The following SGCE variants were observed in gnomAD, a reference collection of about 807,000 sequenced individuals.
SGCE encodes epsilon-sarcoglycan.
Under a neutral mutation model 57.8 loss-of-function variants are expected in SGCE, and 26 were observed. That is an observed-to-expected ratio of 0.45 (90% confidence interval 0.33 to 0.62). The LOEUF (loss-of-function observed/expected upper bound fraction) is 0.62. SGCE is among the 20% of genes least tolerant of loss of function. The pLI is 0.02. For missense variants in SGCE, 468 were observed against 548.6 expected (o/e 0.85, Z 1.47); for synonymous variants, 183 against 189.5 (o/e 0.97, Z 0.28).
chr7:94,639,250 G>A, intron 1 of SGCE: 1 of 795,016 alleles, frequency 1.3e-6, no homozygotes, highest in Non-Finnish European at 2.0e-6. Context: ...ACAACAAAAA[G>A]CCACACATGA....
intron 6 of SGCE, among the ~76,000 whole-genome samples, chr7:94,601,800 A>C (rs1584538819): frequency 6.6e-6 from 1 of 152,080 alleles, no homozygotes; most frequent in Admixed American, 6.6e-5. Flanking sequence ...TGTCCTGCAC[A>C]TTGGCGGCTT....
intron 3 of SGCE, 30 bp from the exon 4 acceptor site, chr7:94,623,427 A>ACATTTCACTTCTTTAATAT: frequency 7.3e-7 from 1 of 1,367,764 alleles, no homozygotes; most frequent in Non-Finnish European, 1.0e-6. Flanking sequence ...ATATTAAAGA[A>ACATTTCACTTCTTTAATAT]GTGAAATGTT....
At chr7:94,600,534 A>G (rs1799041019) in intron 7 of SGCE, 112 bp downstream of exon 7, 2 of 758,058 alleles carry the variant, frequency 2.6e-6, no homozygotes, top group South Asian at 3.2e-5. Context: ...CACAATTTCA[A>G]TTCATTTACA....
chr7:94,612,690 A>G (rs899760547), intron 5 of SGCE, among the ~76,000 whole-genome samples: 3 of 152,214 alleles, frequency 2.0e-5, no homozygotes, highest in African/African-American at 7.2e-5. Flanking sequence ...GTTGACACAT[A>G]CTGCCAAACT....
At position 94,585,008 on chromosome 7, in the gene SGCE, G is replaced by T. The variant is rs1164796904; in HGVS notation, c.*491C>A. The T allele has an allele frequency of 1.3e-5, 2 of 154,592 alleles. No individual in the cohort carries two copies. The highest frequency in any genetic ancestry group is 1.3e-4 in the Admixed American group (2 of 15,546). 9.6% of individuals were successfully genotyped at this position (154,592 alleles called of 1,614,324 possible). A position where few individuals can be genotyped will look rare whatever the true frequency, so the allele number is the denominator to read the frequency against. On this transcript the variant is annotated 3_prime_UTR_variant, in exon 11 of 11. Coordinates refer to ENST00000648936, the MANE Select transcript of SGCE (RefSeq NM_003919.3). ...GGTTTATTCGAAAACACTCCCAAGT[G>T]GTATATAAAACAACAGGATTTACAG...
chr7:94,607,606 G>GA lies in SGCE; in HGVS notation c.663-4155dup, dbSNP rs200762145. Among the ~76,000 whole-genome samples the GA allele has an allele frequency of 1.2e-3, 186 of 149,428 alleles. 2 individuals carry two copies. Among genetic ancestry groups the GA allele is most frequent in the African/African-American group, 3.2e-3 (130 of 40,814 alleles). ...TTGACAAAATCCAATGGCAATTTGT[G>GA]AAAAAAAAAATTCTTAGTAAACTAG... On this transcript the variant is annotated intron_variant, in intron 5 of 10. Transcript: ENST00000648936.
At chr7:94,599,089 C>A in intron 8 of SGCE, 126 bp from the exon 9 acceptor site, 1 of 673,080 alleles carries the variant, frequency 1.5e-6, no homozygotes, top group Non-Finnish European at 2.5e-6. Context: ...GCACTTTGGG[C>A]ATTCAATAAA....
chr7:94,634,568 C>CAATTAA (rs1805281899), intron 1 of SGCE, among the ~76,000 whole-genome samples: 1 of 152,132 alleles, frequency 6.6e-6, no homozygotes, highest in African/African-American at 2.4e-5. Context: ...TATTAATCGG[C>CAATTAA]TGCAGGTTTA....
At chr7:94,597,744 C>A (rs964152810) in intron 9 of SGCE, 1 of 152,234 alleles carries the variant, frequency 6.6e-6, no homozygotes, top group African/African-American at 2.4e-5. Flanking sequence ...CATGGTGGCT[C>A]ACACCTGTAA....
At position 94,656,037 on chromosome 7, in the gene SGCE, C is replaced by T; in HGVS notation, c.62G>A (p.Gly21Glu). The T allele has an allele frequency of 6.2e-7, 1 of 1,613,442 alleles. No homozygotes were observed. The change falls in exon 1 of 11, where the codon GGG becomes GAG. Residue 21 changes from glycine (G) to glutamate (E), a missense_variant. Coordinates refer to ENST00000648936, the MANE Select transcript of SGCE (RefSeq NM_003919.3). ...DPCAWTGQGR[G>E]TRRMSPATTG... is the part of the protein sequence containing the mutation. ...GGTCGCGGGGCTCATCCTGCGTGTC[C>T]CCCGACCCTGTCCCGTCCAAGCACA...
chr7:94,651,258 C>T (rs558472257), intron 1 of SGCE, among the ~76,000 whole-genome samples: 236 of 152,290 alleles, frequency 1.5e-3, no homozygotes, highest in Non-Finnish European at 2.4e-3. Flanking sequence ...ACTTAAAAAC[C>T]ATGTTAACTC....
chr7:94,628,271 T>C lies in SGCE; in HGVS notation c.321A>G (p.Thr107=). 6.2e-7 allele frequency: 1 copy of C among 1,608,462 alleles called. No individual in the cohort carries two copies. The highest frequency in any genetic ancestry group is 1.3e-5 in the African/African-American group (1 of 74,904). Residue 107 remains threonine, a synonymous_variant, in exon 3 of 11, where the codon ACA becomes ACG. Coordinates refer to ENST00000648936, the MANE Select transcript of SGCE (RefSeq NM_003919.3). The part of the protein sequence containing the change: ...RPGWLRYIQR[T]PYSDGVLYGS... ...CATATAGGACTCCATCACTATATGG[T>C]GTCCTTTGGATATATCGAAGCCATC...
intron 9 of SGCE, among the ~76,000 whole-genome samples, chr7:94,593,980 T>C (rs1037476900): frequency 6.6e-6 from 1 of 152,070 alleles, no homozygotes; most frequent in Non-Finnish European, 1.5e-5. Flanking sequence ...CAAATTCCCA[T>C]ACTCAGAGCC....
At chr7:94,655,741 C>T (rs944995131) in intron 1 of SGCE, among the ~76,000 whole-genome samples, 2 of 148,602 alleles carry the variant, frequency 1.3e-5, no homozygotes, top group South Asian at 4.3e-4. Context: ...TTTCTGCGCC[C>T]GCAGAGCAGG....
intron 1 of SGCE, among the ~76,000 whole-genome samples, chr7:94,653,280 T>C (rs1195479487): frequency 6.6e-6 from 1 of 152,162 alleles, no homozygotes; most frequent in Non-Finnish European, 1.5e-5. Context: ...TTTCTTAACA[T>C]ACTAGAAGTT....
intron 1 of SGCE, among the ~76,000 whole-genome samples, chr7:94,651,918 T>C (rs1373648991): frequency 2.7e-5 from 4 of 150,710 alleles, no homozygotes; most frequent in Non-Finnish European, 5.9e-5. Flanking sequence ...CTAGAAACAT[T>C]GGCTTTTTCT....
chr7:94,613,013 A>G (rs1260164838), intron 5 of SGCE, among the ~76,000 whole-genome samples: 1 of 152,218 alleles, frequency 6.6e-6, no homozygotes, highest in East Asian at 1.9e-4. Context: ...ACAGGGAGTG[A>G]AGGAACAGCC....
At position 94,629,753 on chromosome 7, in the gene SGCE, A is replaced by G. The variant is rs1804378653; in HGVS notation, c.198T>C (p.Tyr66=). The change falls in exon 2 of 11, where the codon TAT becomes TAC. Residue 66 remains tyrosine, a synonymous_variant. Transcript: ENST00000648936. ...GGTAAGGTGGAAATTCCCCCTTAAA[A>G]TATTCTCTTTCCAAAACATGAACAA... is the stretch of plus-strand genomic sequence containing the variant. The part of the protein sequence containing the change: ...VLFVHVLERE[Y]FKGEFPPYPK... 1.2e-6 allele frequency: 2 copies of G among 1,611,282 alleles called. No individual in the cohort carries two copies. Among genetic ancestry groups the G allele is most frequent in the Admixed American group, 3.3e-5 (2 of 59,876 alleles).
chr7:94,622,055 T>C (rs1802878109), intron 4 of SGCE: 1 of 147,238 alleles, frequency 6.8e-6, no homozygotes, highest in Admixed American at 6.8e-5. Context: ...CCATACACGT[T>C]TAATTTTACA....
Sources: allele counts gnomAD v4.1 joint callset (sites outside exome capture counted in the v4.1 genomes callset), GRCh38; gene constraint gnomAD v4.1.1; transcripts MANE v1.5; gene names NCBI Gene and HGNC (gene_info 2026-07-23, HGNC 2026-07-21).